The following L2HGDH variants were observed in gnomAD, a reference collection of about 807,000 sequenced individuals.
The protein encoded by L2HGDH is L-2-hydroxyglutarate dehydrogenase, mitochondrial.
L2HGDH carries 34 observed loss-of-function variants against 51.5 expected under a neutral mutation model. The ratio of observed to expected loss-of-function variants is 0.66; its 90% CI spans 0.50 to 0.88. The LOEUF (loss-of-function observed/expected upper bound fraction) is 0.88, where lower values mean the gene tolerates loss of function less well. L2HGDH is among the 40% of genes least tolerant of loss of function. The pLI, the probability that L2HGDH is intolerant of heterozygous loss-of-function variation, is 0.00. For synonymous variants in L2HGDH, 198 were observed against 197.9 expected (o/e 1.00, Z -0.01); for missense variants, 558 against 571.9 (o/e 0.98, Z 0.25).
intron 8 of L2HGDH, among the ~76,000 whole-genome samples, chr14:50,265,960 A>G (rs1206830055): frequency 1.3e-5 from 2 of 152,058 alleles, no homozygotes; most frequent in African/African-American, 4.8e-5. Context: ...CTTTTGGCCA[A>G]TATCAGAAGA....
intron 1 of L2HGDH, among the ~76,000 whole-genome samples, chr14:50,310,712 T>C (rs8007800): frequency 0.55 from 83,616 of 151,344 alleles, 23,095 homozygotes; most frequent in East Asian, 0.62. Flanking sequence ...TCCAAAAATT[T>C]TTTAAAAAAA....
chr14:50,260,417 C>A (rs1047981807), intron 9 of L2HGDH, among the ~76,000 whole-genome samples: 1 of 151,984 alleles, frequency 6.6e-6, no homozygotes, highest in Non-Finnish European at 1.5e-5. Flanking sequence ...GTACAATTAT[C>A]GAAATTTACT....
In L2HGDH at chr14:50,269,276, G is replaced by A. The variant is rs939210898; in HGVS notation, c.793C>T (p.Arg265Cys). 1.9e-6 allele frequency: 3 copies of A among 1,613,880 alleles called. No homozygotes were observed. Among genetic ancestry groups the A allele is most frequent in the South Asian group, 1.1e-5 (1 of 91,072 alleles). ...VVTCAGLYSD[R>C]ISELSGCTPD... Reference sequence around the variant, plus strand: ...GTGCAGCCACTCAACTCTGAAATACGGTCTGAGTAAAGTCCTGCACATGTC... The same window carrying A: ...GTGCAGCCACTCAACTCTGAAATACAGTCTGAGTAAAGTCCTGCACATGTC... Residue 265 changes from arginine to cysteine, a missense_variant, in exon 7 of 10, where the codon CGT (arginine) becomes TGT (cysteine). By Grantham distance (180) the Arg-to-Cys change is radical. Coordinates refer to ENST00000267436, the MANE Select transcript of L2HGDH (RefSeq NM_024884.3).
chr14:50,260,007 G>GAA (rs745783927), intron 9 of L2HGDH, among the ~76,000 whole-genome samples: 5 of 151,068 alleles, frequency 3.3e-5, no homozygotes, highest in Non-Finnish European at 5.9e-5. Flanking sequence ...GAGAGAGAGA[G>GAA]AGAGATTGAT....
intron 9 of L2HGDH, among the ~76,000 whole-genome samples, chr14:50,260,101 G>A (rs188936099): frequency 1.4e-4 from 22 of 152,064 alleles, no homozygotes; most frequent in East Asian, 3.9e-4. Context: ...GGTGGTATAC[G>A]TTCAAAATCT....
chr14:50,310,252 G>T (rs1369179100), intron 1 of L2HGDH, among the ~76,000 whole-genome samples: 2 of 151,342 alleles, frequency 1.3e-5, no homozygotes, highest in African/African-American at 4.9e-5. Context: ...TTTTTATTTT[G>T]TAGAGAAGGG....
chr14:50,297,959 C>G (rs117587500), intron 3 of L2HGDH, among the ~76,000 whole-genome samples: 1 of 151,312 alleles, frequency 6.6e-6, no homozygotes, highest in Non-Finnish European at 1.5e-5. Context: ...AAACGAACAA[C>G]AACAACAAAA....
chr14:50,293,420 C>T (rs1283051456), intron 4 of L2HGDH: 4 of 471,454 alleles, frequency 8.5e-6, no homozygotes, highest in Non-Finnish European at 1.5e-5. Flanking sequence ...CTTCTAGACC[C>T]TGGGCTAGGC....
chr14:50,303,317 G>A (rs899262465), intron 1 of L2HGDH, among the ~76,000 whole-genome samples: 3 of 151,994 alleles, frequency 2.0e-5, no homozygotes, highest in African/African-American at 4.8e-5. Flanking sequence ...AGCTATTTGG[G>A]AGGCTGAGGC....
intron 3 of L2HGDH, 22 bp from the exon 4 acceptor site, chr14:50,294,268 G>A (rs778452854): frequency 4.4e-6 from 7 of 1,606,456 alleles, no homozygotes; most frequent in Non-Finnish European, 5.9e-6. Context: ...AAAAGGTAAG[G>A]AGCATGGATA....
intron 6 of L2HGDH, among the ~76,000 whole-genome samples, chr14:50,271,687 T>A (rs1889697201): frequency 1.3e-5 from 2 of 151,538 alleles, no homozygotes; most frequent in African/African-American, 4.9e-5. Flanking sequence ...TATGTTTTAT[T>A]AGAGATAAAG....
At chr14:50,311,928 AC>A (rs1323601937) in intron 1 of L2HGDH, 82 bp downstream of exon 1, 2 of 1,519,042 alleles carry the variant, frequency 1.3e-6, no homozygotes, top group Admixed American at 4.0e-5. Flanking sequence ...ACAGGGAAAT[AC>A]GAACAGGGGC....
At chr14:50,299,411 A>C (rs181002564) in intron 3 of L2HGDH, among the ~76,000 whole-genome samples, 85 of 152,306 alleles carry the variant, frequency 5.6e-4, no homozygotes, top group Non-Finnish European at 2.2e-4. Context: ...AAGAACTAAT[A>C]CTAAACCCTA....
At position 50,246,692 on chromosome 14, in the gene L2HGDH, A is replaced by G; in HGVS notation, c.*366T>C. 5.6e-6 allele frequency: 1 copy of G among 179,962 alleles called. No individual in the cohort carries two copies. 11.1% of individuals were successfully genotyped at this position (179,962 alleles called of 1,614,324 possible). On this transcript the variant is annotated 3_prime_UTR_variant, in exon 10 of 10. Transcript: ENST00000267436. ...TACAATCTACCTGCCTTGGCTTCCC[A>G]AAGTGCTGGCCACGGCCCCCAGCCT...
intron 4 of L2HGDH, among the ~76,000 whole-genome samples, chr14:50,286,052 C>T (rs1890546579): frequency 6.6e-6 from 1 of 152,022 alleles, no homozygotes; most frequent in Non-Finnish European, 1.5e-5. Flanking sequence ...TGTCTGTCAC[C>T]CAGGAGGTTG....
At position 50,302,912 on chromosome 14, in the gene L2HGDH, C is replaced by T. The variant is rs138070052; in HGVS notation, c.246G>A (p.Glu82=). Residue 82 remains glutamate, a synonymous_variant, in exon 2 of 10, where the codon GAG becomes GAA. Coordinates refer to ENST00000267436, the MANE Select transcript of L2HGDH (RefSeq NM_024884.3). ...PSLSIGVLEK[E]KDLAVHQTGH... ...TGATTATATACATACCTAAATCTTT[C>T]TCCTTTTCCAGAACACCAATAGAAA... 8.8e-5 allele frequency: 142 copies of T among 1,610,244 alleles called. No homozygotes were observed. The Middle Eastern group carries it at 1.5e-3, about 17-fold the overall frequency.
At chr14:50,272,473 A>C (rs113545765) in intron 6 of L2HGDH, among the ~76,000 whole-genome samples, 5 of 152,338 alleles carry the variant, frequency 3.3e-5, no homozygotes, top group African/African-American at 1.2e-4. Context: ...GTCATGCTTT[A>C]TGGAGCCTTT....
rs1006637999 is a variant in L2HGDH at position 50,243,566 on chromosome 14, A to T, written c.*3492T>A. 6.4e-6 allele frequency: 5 copies of T among 781,864 alleles called. No individual in the cohort carries two copies. In the African/African-American group the frequency reaches 9.4e-5, roughly 15 times the overall value. The allele number at this position is 781,864 out of a possible 1,614,324, so 48.4% of individuals were successfully genotyped here. On this transcript the variant is annotated 3_prime_UTR_variant, in exon 10 of 10. Transcript: ENST00000267436. ...TATTATATCAGTATTAAACAAAAAA[A>T]CCCTATTGACATACATATAAAACGT...
chr14:50,283,884 T>G lies in L2HGDH; in HGVS notation c.690A>C (p.Ser230=). Residue 230 remains serine, a synonymous_variant, in exon 5 of 10, where the codon TCA becomes TCC. Coordinates refer to ENST00000267436, the MANE Select transcript of L2HGDH (RefSeq NM_024884.3). Reference sequence around the variant, plus strand: ...AGGATGGCTTACCATCTATACTTCTTGAAGGACTTTCTTTAGCCATTTCAA... The same window carrying G: ...AGGATGGCTTACCATCTATACTTCTGGAAGGACTTTCTTTAGCCATTTCAA... ...KGIEMAKESP[S]RSIDGMQYPI... is the part of the protein sequence containing the mutation. The G allele has an allele frequency of 6.2e-7, 1 of 1,614,060 alleles. No individual in the cohort carries two copies. Among genetic ancestry groups the G allele is most frequent in the African/African-American group, 1.3e-5 (1 of 75,042 alleles).
Sources: gnomAD v4.1 joint callset for allele counts (sites outside exome capture counted in the v4.1 genomes callset) on GRCh38, gnomAD v4.1.1 for gene constraint, MANE v1.5 for transcripts, NCBI Gene and HGNC (gene_info 2026-07-23, HGNC 2026-07-21) for gene names.